COL21A1: variants seen among roughly 807,000 people sequenced by gnomAD.
The protein encoded by COL21A1 is collagen alpha-1(XXI) chain.
In COL21A1, 149 loss-of-function variants were observed where a neutral mutation model predicts 137.9. The ratio of observed to expected loss-of-function variants is 1.08; its 90% CI spans 0.95 to 1.24. The LOEUF (loss-of-function observed/expected upper bound fraction) is 1.24. COL21A1 is among the 50% of genes most tolerant of loss of function. COL21A1 has a pLI of 0.00. For synonymous variants in COL21A1, 456 were observed against 391.5 expected (o/e 1.16, Z -1.95); for missense variants, 1,167 against 1,158.4 (o/e 1.01, Z -0.11).
At chr6:56,170,125 G>A (rs770068405) in intron 5 of COL21A1, among the ~76,000 whole-genome samples, 3 of 151,588 alleles carry the variant, frequency 2.0e-5, no homozygotes, top group Non-Finnish European at 3.0e-5. Context: ...TTCCATTAGG[G>A]TAAATAAAAT....
At chr6:56,226,720 T>C (rs147361573) in intron 1 of COL21A1, among the ~76,000 whole-genome samples, 2 of 152,152 alleles carry the variant, frequency 1.3e-5, no homozygotes, top group East Asian at 3.9e-4. Context: ...CACTGGTATC[T>C]TCAGCACTGC....
At chr6:56,198,263 A>G (rs1779162401) in intron 1 of COL21A1, among the ~76,000 whole-genome samples, 1 of 152,094 alleles carries the variant, frequency 6.6e-6, no homozygotes, top group Non-Finnish European at 1.5e-5. Flanking sequence ...ATTTTGAGAT[A>G]TATGATGAAT....
At chr6:56,150,479 C>T (rs1267776533) in intron 10 of COL21A1, among the ~76,000 whole-genome samples, 2 of 150,702 alleles carry the variant, frequency 1.3e-5, no homozygotes, top group African/African-American at 4.9e-5. Context: ...GAGCGCGCCA[C>T]TGCGCTCCAG....
chr6:56,350,089 C>T (rs1765677340), intron 1 of COL21A1, among the ~76,000 whole-genome samples: 1 of 152,222 alleles, frequency 6.6e-6, no homozygotes, highest in Admixed American at 6.5e-5. Flanking sequence ...TCTGAATGCA[C>T]ATCAGCATGT....
rs1460091666 is a variant in COL21A1 at position 56,098,548 on chromosome 6, AAT to A, written c.1812+2922_1812+2923del. Reference sequence around the variant, plus strand: ...ATATAAATATATATATAAATATATAAATATATATAAATATATAAATATATATA... The same window carrying A: ...ATATAAATATATATATAAATATATAAATATATAAATATATAAATATATATA... On this transcript the variant is annotated intron_variant, in intron 17 of 29. Coordinates refer to ENST00000244728, the MANE Select transcript of COL21A1 (RefSeq NM_030820.4). 4.4e-3 allele frequency among the ~76,000 whole-genome samples: 74 copies of A among 16,792 alleles called. 11 individuals are homozygous for A. Among genetic ancestry groups the A allele is most frequent in the African/African-American group, 0.017 (54 of 3,266 alleles). The allele number at this position is 16,792 out of a possible 152,430, so 11.0% of individuals were successfully genotyped here.
intron 10 of COL21A1, among the ~76,000 whole-genome samples, chr6:56,146,345 G>A (rs894960229): frequency 4.6e-5 from 7 of 152,044 alleles, no homozygotes; most frequent in African/African-American, 1.2e-4. Context: ...GTCCACTGTG[G>A]AATCTTCTAG....
chr6:56,177,652 G>C (rs867537910), intron 3 of COL21A1, among the ~76,000 whole-genome samples: 3 of 151,726 alleles, frequency 2.0e-5, no homozygotes, highest in Non-Finnish European at 2.9e-5. Flanking sequence ...AAAATTAGCC[G>C]GGCGTGGTGG....
upstream of COL21A1, among the ~76,000 whole-genome samples, chr6:56,248,350 C>A (rs992587176): frequency 2.0e-5 from 3 of 152,196 alleles, no homozygotes; most frequent in Non-Finnish European, 4.4e-5. Context: ...CTGTCCCAGA[C>A]CTTATCATAG....
At chr6:56,263,704 T>C (rs565350916) in intron 1 of COL21A1, among the ~76,000 whole-genome samples, 91 of 152,338 alleles carry the variant, frequency 6.0e-4, no homozygotes, top group Middle Eastern at 3.4e-3. Context: ...AATTCTGTTT[T>C]AGGCAAAAGT....
intron 1 of COL21A1, among the ~76,000 whole-genome samples, chr6:56,188,986 C>T (rs1019608956): frequency 5.9e-5 from 9 of 152,238 alleles, no homozygotes; most frequent in Admixed American, 3.3e-4. Context: ...AGACCAAAGG[C>T]AGATAAATCA....
intron 1 of COL21A1, among the ~76,000 whole-genome samples, chr6:56,356,301 T>C (rs760371953): frequency 6.6e-6 from 1 of 152,098 alleles, no homozygotes; most frequent in Non-Finnish European, 1.5e-5. Context: ...TCAGCACTAT[T>C]GACATTTTGG....
intron 1 of COL21A1, among the ~76,000 whole-genome samples, chr6:56,203,009 C>T (rs115078584): frequency 6.6e-6 from 1 of 152,098 alleles, no homozygotes; most frequent in African/African-American, 2.4e-5. Flanking sequence ...GCTCTAAATT[C>T]CTCTTACATT....
rs560119872 is a variant in COL21A1 at position 56,194,298 on chromosome 6, A to G, written c.-38-11642T>C. ...AGGATACTAAATTCATATTATTACC[A>G]TGTTATTTAATCATTAAAACTGGTG... On this transcript the variant is annotated intron_variant, in intron 1 of 29. Transcript: ENST00000244728. Among the ~76,000 whole-genome samples, 19 of 152,346 alleles carry G rather than the reference A, an allele frequency of 1.2e-4. No homozygotes were observed. The South Asian group carries it at 3.5e-3, about 28-fold the overall frequency.
chr6:56,352,764 G>A (rs953018308), intron 1 of COL21A1, among the ~76,000 whole-genome samples: 1 of 152,146 alleles, frequency 6.6e-6, no homozygotes, highest in Non-Finnish European at 1.5e-5. Flanking sequence ...TTCAGGCCAG[G>A]TGCAGTGGTT....
chr6:56,389,399 A>T (rs2094024723), intron 1 of COL21A1, among the ~76,000 whole-genome samples: 1 of 151,266 alleles, frequency 6.6e-6, no homozygotes, highest in African/African-American at 2.5e-5. Context: ...TACAAAGGAG[A>T]AAAAATTAAA....
At chr6:56,356,153 G>A (rs541149010) in intron 1 of COL21A1, among the ~76,000 whole-genome samples, 4 of 152,182 alleles carry the variant, frequency 2.6e-5, no homozygotes, top group African/African-American at 9.7e-5. Flanking sequence ...ACCAAGAACA[G>A]AATAATGAGT....
chr6:56,088,671 T>C (rs1384063257), intron 17 of COL21A1, among the ~76,000 whole-genome samples: 1 of 152,212 alleles, frequency 6.6e-6, no homozygotes, highest in Admixed American at 6.6e-5. Context: ...CAACTTTTTT[T>C]CTGCTTTTTG....
In COL21A1 at chr6:56,059,932, A is replaced by G. The variant is rs79822961; in HGVS notation, c.2608+86T>C. 8,067 of 902,206 alleles carry G rather than the reference A, an allele frequency of 8.9e-3. 44 individuals are homozygous for G. The highest frequency in any genetic ancestry group is 0.012 in the Non-Finnish European group (6,932 of 599,568). 55.9% of individuals were successfully genotyped at this position (902,206 alleles called of 1,614,324 possible). Reference sequence around the variant, plus strand: ...AGATTTTTTTATCATGAAAAAAGTTAACTCGACTATTAAATGGATATAGGG... The same window carrying G: ...AGATTTTTTTATCATGAAAAAAGTTGACTCGACTATTAAATGGATATAGGG... On this transcript the variant is annotated intron_variant, in intron 28 of 29. Transcript: ENST00000244728.
At chr6:56,123,865 T>C (rs920098212) in intron 16 of COL21A1, among the ~76,000 whole-genome samples, 197 bp downstream of exon 16, 3 of 152,222 alleles carry the variant, frequency 2.0e-5, no homozygotes, top group African/African-American at 7.2e-5. Flanking sequence ...GATTCACTTC[T>C]GACACCTAAG....
Sources: allele counts gnomAD v4.1 joint callset (sites outside exome capture counted in the v4.1 genomes callset), GRCh38; gene constraint gnomAD v4.1.1; transcripts MANE v1.5; gene names NCBI Gene and HGNC (gene_info 2026-07-23, HGNC 2026-07-21).